PPFIA2: variants seen among roughly 807,000 people sequenced by gnomAD.
PPFIA2 encodes the protein PPFI scaffold protein A2.
Under a neutral mutation model 175.5 loss-of-function variants are expected in PPFIA2, and 46 were observed. The ratio of observed to expected loss-of-function variants is 0.26; its 90% CI spans 0.21 to 0.34. The LOEUF (loss-of-function observed/expected upper bound fraction) is 0.34. PPFIA2 is among the 10% of genes least tolerant of loss of function. PPFIA2 has a pLI of 1.00. For synonymous variants in PPFIA2, 568 were observed against 511.4 expected (o/e 1.11, Z -1.49); for missense variants, 1,179 against 1,506.1 (o/e 0.78, Z 3.60).
intron 4 of PPFIA2, among the ~76,000 whole-genome samples, chr12:81,540,501 A>C (rs1322852208): frequency 6.6e-6 from 1 of 152,044 alleles, no homozygotes; most frequent in Non-Finnish European, 1.5e-5. Context: ...GCAGAGATTA[A>C]ATTGATGTTA....
At chr12:81,301,988 T>A (rs1426676775) in intron 22 of PPFIA2, among the ~76,000 whole-genome samples, 1 of 152,156 alleles carries the variant, frequency 6.6e-6, no homozygotes, top group Admixed American at 6.6e-5. Context: ...TCAGGGAGGA[T>A]CTGTGTTTTC....
At chr12:81,534,624 C>T (rs2065120919) in intron 4 of PPFIA2, among the ~76,000 whole-genome samples, 2 of 151,492 alleles carry the variant, frequency 1.3e-5, no homozygotes, top group African/African-American at 4.8e-5. Context: ...AAATTTAACT[C>T]AAAAATTCAT....
intron 22 of PPFIA2, among the ~76,000 whole-genome samples, chr12:81,317,857 A>T (rs1056531261): frequency 2.6e-5 from 4 of 151,632 alleles, no homozygotes; most frequent in Non-Finnish European, 4.4e-5. Context: ...GGCAGGGACA[A>T]TTTAAAAAGC....
At chr12:81,508,413 C>T (rs1284550312) in intron 4 of PPFIA2, among the ~76,000 whole-genome samples, 2 of 146,340 alleles carry the variant, frequency 1.4e-5, no homozygotes, top group Admixed American at 7.0e-5. Flanking sequence ...CCCAGCTATT[C>T]GGGAGGCTGA....
At chr12:81,282,821 A>AT in intron 26 of PPFIA2, 189 bp downstream of exon 26, 1 of 426,402 alleles carries the variant, frequency 2.3e-6, no homozygotes, top group Middle Eastern at 6.1e-4. Flanking sequence ...CAATCATCTT[A>AT]TTTTAAAAAT....
At chr12:81,329,601 T>C (rs970710481) in intron 21 of PPFIA2, among the ~76,000 whole-genome samples, 6 of 152,174 alleles carry the variant, frequency 3.9e-5, no homozygotes, top group Admixed American at 3.3e-4. Context: ...GGGATCCAAT[T>C]GCCAGACCAC....
intron 7 of PPFIA2, among the ~76,000 whole-genome samples, chr12:81,413,778 A>G (rs892372960): frequency 4.6e-5 from 7 of 151,862 alleles, no homozygotes; most frequent in Non-Finnish European, 1.0e-4. Context: ...TGGAATTCTA[A>G]GAGTGTCTAA....
chr12:81,599,057 CT>C (rs1484103137), intron 4 of PPFIA2, among the ~76,000 whole-genome samples: 1 of 151,806 alleles, frequency 6.6e-6, no homozygotes, highest in Non-Finnish European at 1.5e-5. Context: ...AAAATATGTT[CT>C]TTTTGTATAT....
chr12:81,466,217 C>T (rs1374331686), intron 4 of PPFIA2, among the ~76,000 whole-genome samples: 2 of 152,016 alleles, frequency 1.3e-5, no homozygotes, highest in Admixed American at 6.6e-5. Context: ...ATATTTTGTG[C>T]CCCCTTGAAT....
At chr12:81,593,118 T>C (rs1441240488) in intron 4 of PPFIA2, among the ~76,000 whole-genome samples, 2 of 152,086 alleles carry the variant, frequency 1.3e-5, no homozygotes, top group African/African-American at 4.8e-5. Flanking sequence ...CATATCAGTC[T>C]CCTATTTCAG....
chr12:81,294,260 C>T (rs765015834), intron 24 of PPFIA2, among the ~76,000 whole-genome samples: 2 of 152,020 alleles, frequency 1.3e-5, no homozygotes, highest in Non-Finnish European at 1.5e-5. Context: ...ACCCATGTAA[C>T]GAACTTTCAC....
chr12:81,572,638 T>C (rs1487290862), intron 4 of PPFIA2, among the ~76,000 whole-genome samples: 2 of 152,062 alleles, frequency 1.3e-5, no homozygotes, highest in African/African-American at 4.8e-5. Flanking sequence ...GCAAACTAAA[T>C]AGAACCTGCA....
chr12:81,423,197 G>A (rs1478650916), intron 7 of PPFIA2, among the ~76,000 whole-genome samples: 1 of 152,054 alleles, frequency 6.6e-6, no homozygotes, highest in Non-Finnish European at 1.5e-5. Flanking sequence ...ACTGAAAGAG[G>A]AATTGATACC....
In PPFIA2 at chr12:81,353,346, G is replaced by A. The variant is rs748719143; in HGVS notation, c.1774-7C>T. ...GATCCCCAAGAGATTTCACCTGAATGGTGAATGAAAAAATGCAGAATATTT... is the reference window on the plus strand; with the variant it reads ...GATCCCCAAGAGATTTCACCTGAATAGTGAATGAAAAAATGCAGAATATTT... On this transcript the variant is annotated splice_region_variant and splice_polypyrimidine_tract_variant and intron_variant, in intron 16 of 32. Transcript: ENST00000549396. 6.3e-7 allele frequency: 1 copy of A among 1,595,744 alleles called. No homozygotes were observed. The highest frequency in any genetic ancestry group is 1.1e-5 in the South Asian group (1 of 90,652).
intron 22 of PPFIA2, among the ~76,000 whole-genome samples, chr12:81,325,187 T>A (rs1006723387): frequency 2.6e-5 from 4 of 152,128 alleles, no homozygotes; most frequent in African/African-American, 7.2e-5. Flanking sequence ...AATGTTACTA[T>A]GTATTTTTAA....
At chr12:81,637,981 T>C (rs2064336481) in intron 4 of PPFIA2, among the ~76,000 whole-genome samples, 1 of 151,864 alleles carries the variant, frequency 6.6e-6, no homozygotes, top group South Asian at 2.1e-4. Context: ...AGCTATACGC[T>C]ATCTTTTGCT....
chr12:81,405,842 G>A lies in PPFIA2; in HGVS notation c.707C>T (p.Ser236Phe), dbSNP rs529050746. 2.5e-5 allele frequency: 40 copies of A among 1,582,558 alleles called. No homozygotes were observed. Among genetic ancestry groups the A allele is most frequent in the Admixed American group, 2.5e-4 (14 of 55,762 alleles). Residue 236 changes from serine (S) to phenylalanine (F), a missense_variant, in exon 8 of 33, where the codon TCC (serine) becomes TTC (phenylalanine). Coordinates refer to ENST00000549396, the MANE Select transcript of PPFIA2 (RefSeq NM_003625.5). ...IQRKMASSEG[S>F]TESEHLEGME... ...CCCTTCAAGATGTTCTGACTCTGTG[G>A]ATCCCTCGCTTGATGCCATTTTTCT...
intron 3 of PPFIA2, among the ~76,000 whole-genome samples, chr12:81,724,775 G>A (rs1283388215): frequency 1.3e-5 from 2 of 150,936 alleles, no homozygotes; most frequent in Admixed American, 6.6e-5. Context: ...ATAGTGAATA[G>A]TGCTGCAATA....
chr12:81,616,203 CAT>C (rs2061414722), intron 4 of PPFIA2, among the ~76,000 whole-genome samples: 1 of 151,984 alleles, frequency 6.6e-6, no homozygotes, highest in African/African-American at 2.4e-5. Flanking sequence ...GTAGAAATAA[CAT>C]GATTTTCTAT....
Sources: gnomAD v4.1 joint callset for allele counts (sites outside exome capture counted in the v4.1 genomes callset) on GRCh38, gnomAD v4.1.1 for gene constraint, MANE v1.5 for transcripts, NCBI Gene and HGNC (gene_info 2026-07-23, HGNC 2026-07-21) for gene names.